Variants in CCDC138 observed in about 807,000 individuals in gnomAD.
The protein encoded by CCDC138 is coiled-coil domain containing 138, also known as coiled-coil domain-containing protein 138.
In CCDC138, 66 loss-of-function variants were observed where a neutral mutation model predicts 82.3. That is an observed-to-expected ratio of 0.80 (90% CI 0.66 to 0.98). The LOEUF is 0.98. CCDC138 is among the 50% of genes least tolerant of loss of function. The pLI is 0.00. For synonymous variants in CCDC138, 297 were observed against 265.4 expected, an observed-to-expected ratio of 1.12 and a Z score of -1.16; for missense variants, 816 against 758.9, an observed-to-expected ratio of 1.08 and a Z score of -0.88.
intron 10 of CCDC138, among the ~76,000 whole-genome samples, chr2:108,838,126 G>A (rs1196574932): frequency 6.6e-6 from 1 of 151,964 alleles, no homozygotes; most frequent in Non-Finnish European, 1.5e-5. Context: ...GTAAGATTAC[G>A]GCAGAGAATA....
At chr2:108,839,768 T>A (rs1689152148) in intron 11 of CCDC138, among the ~76,000 whole-genome samples, 2 of 152,120 alleles carry the variant, frequency 1.3e-5, no homozygotes. Flanking sequence ...TTCTTGAAGA[T>A]TCCTCAGGAT....
At chr2:108,866,449 C>G (rs1694426399) in intron 13 of CCDC138, among the ~76,000 whole-genome samples, 1 of 152,210 alleles carries the variant, frequency 6.6e-6, no homozygotes, top group Admixed American at 6.5e-5. Flanking sequence ...TCATTTTTCT[C>G]TCCTCATCAA....
chr2:108,827,815 A>T (rs58158916), intron 10 of CCDC138, among the ~76,000 whole-genome samples: 11 of 12,646 alleles, frequency 8.7e-4, no homozygotes, highest in East Asian at 0.029. Context: ...GAATATGTCT[A>T]AAAAAAAAAA....
intron 7 of CCDC138, among the ~76,000 whole-genome samples, chr2:108,808,195 A>G (rs1683184817): frequency 6.6e-6 from 1 of 152,146 alleles, no homozygotes. Flanking sequence ...TTGTGTATGT[A>G]TAAAGAAAAT....
chr2:108,853,907 T>TAA (rs1558737277), intron 12 of CCDC138, among the ~76,000 whole-genome samples: 2 of 121,100 alleles, frequency 1.7e-5, no homozygotes, highest in African/African-American at 6.8e-5. Flanking sequence ...ATATTATATA[T>TAA]TATATAGTAT....
chr2:108,824,695 TTATC>T (rs1455116569), intron 10 of CCDC138, among the ~76,000 whole-genome samples: 1 of 152,248 alleles, frequency 6.6e-6, no homozygotes, highest in East Asian at 1.9e-4. Context: ...TTTATTATCT[TTATC>T]AAGTAGTATG....
intron 10 of CCDC138, among the ~76,000 whole-genome samples, chr2:108,829,145 ACTT>A (rs1477073261): frequency 2.6e-5 from 4 of 152,284 alleles, no homozygotes; most frequent in South Asian, 4.2e-4. Context: ...AATAAACTGA[ACTT>A]CATCAAAATT....
chr2:108,812,985 CA>C, intron 9 of CCDC138, 58 bp downstream of exon 9: 12 of 1,433,854 alleles, frequency 8.4e-6, no homozygotes, highest in Non-Finnish European at 1.2e-5. Context: ...TACGGTGGCT[CA>C]CACCTGTAAT....
chr2:108,813,700 ATGT>A (rs933593444), intron 9 of CCDC138, among the ~76,000 whole-genome samples: 1 of 152,212 alleles, frequency 6.6e-6, no homozygotes, highest in Non-Finnish European at 1.5e-5. Context: ...TAAATATTTC[ATGT>A]TGTCTATAAC....
chr2:108,865,504 A>G (rs1694281597), intron 13 of CCDC138, among the ~76,000 whole-genome samples: 1 of 152,174 alleles, frequency 6.6e-6, no homozygotes, highest in South Asian at 2.1e-4. Flanking sequence ...TAGACAAAAT[A>G]ATTACCTCTC....
chr2:108,791,512 T>C (rs773252422), intron 3 of CCDC138, 163 bp from the exon 4 acceptor site: 9 of 753,736 alleles, frequency 1.2e-5, no homozygotes, highest in Non-Finnish European at 2.1e-5. Flanking sequence ...TCAGTGACTG[T>C]TAGTTTTTAC....
chr2:108,854,373 G>A lies in CCDC138; in HGVS notation c.1517-2421G>A, dbSNP rs957294070. On this transcript the variant is annotated intron_variant, in intron 12 of 14. Transcript: ENST00000295124. ...GAATCTTAGCTTCACTACTAGCTGT[G>A]TGGTATTTGGAAGGTCTTTTTTGTT... is the stretch of plus-strand genomic sequence containing the variant. Among the ~76,000 whole-genome samples the A allele has an allele frequency of 4.0e-5, 6 of 151,080 alleles. No homozygotes were observed. In the Admixed American group the frequency reaches 4.0e-4, roughly 10 times the overall value.
At chr2:108,858,746 T>C (rs4476312) in intron 13 of CCDC138, among the ~76,000 whole-genome samples, 108,220 of 151,664 alleles carry the variant, frequency 0.71, 41,684 homozygotes, top group East Asian at 0.9. Flanking sequence ...TGCAGGTGTG[T>C]TACATGGATT....
chr2:108,814,874 G>A (rs1418977856), intron 9 of CCDC138, among the ~76,000 whole-genome samples: 2 of 151,842 alleles, frequency 1.3e-5, no homozygotes, highest in African/African-American at 4.8e-5. Context: ...GACCTCTGGT[G>A]ATCCACCTGC....
In CCDC138 at chr2:108,824,764, G is replaced by GT. The variant is rs759967779; in HGVS notation, c.1206+8669dup. On this transcript the variant is annotated intron_variant, in intron 10 of 14. Transcript: ENST00000295124. ...CTTTTATTCTACTGGCAGCACAGTA[G>GT]TTTTTTTTTTACACCAGCATTGTCA... Among the ~76,000 whole-genome samples, 152 of 149,010 alleles carry GT rather than the reference G, an allele frequency of 1.0e-3. 1 individual carries two copies. Among genetic ancestry groups the GT allele is most frequent in the Non-Finnish European group, 1.0e-3 (68 of 67,018 alleles).
At chr2:108,858,672 A>G (rs1452910872) in intron 13 of CCDC138, among the ~76,000 whole-genome samples, 1 of 151,306 alleles carries the variant, frequency 6.6e-6, no homozygotes, top group Non-Finnish European at 1.5e-5. Flanking sequence ...ATTTTACCAT[A>G]TATTTAATTT....
chr2:108,807,886 G>A (rs1324366250), intron 7 of CCDC138, among the ~76,000 whole-genome samples: 2 of 152,200 alleles, frequency 1.3e-5, no homozygotes, highest in African/African-American at 4.8e-5. Context: ...TCGGATTACA[G>A]GCCTGAGCCA....
In CCDC138 at chr2:108,825,167, G is replaced by C. The variant is rs146575004; in HGVS notation, c.1206+9062G>C. 7.2e-5 allele frequency among the ~76,000 whole-genome samples: 11 copies of C among 152,254 alleles called. No homozygotes were observed. The East Asian group carries it at 1.5e-3, about 21-fold the overall frequency. On this transcript the variant is annotated intron_variant, in intron 10 of 14. Transcript: ENST00000295124. ...AAGTTAATAGCGTAAATAATAGGGA[G>C]GTGGGAGGATGTAAAGTGTCCAAAA...
chr2:108,798,276 T>A, intron 5 of CCDC138, 152 bp from the exon 6 acceptor site: 1 of 663,954 alleles, frequency 1.5e-6, no homozygotes, highest in Admixed American at 2.9e-5. Flanking sequence ...GTTTACTTGC[T>A]ATACTAGTCT....
Sources: gnomAD v4.1 joint callset for allele counts (sites outside exome capture counted in the v4.1 genomes callset) on GRCh38, gnomAD v4.1.1 for gene constraint, MANE v1.5 for transcripts, NCBI Gene and HGNC (gene_info 2026-07-23, HGNC 2026-07-21) for gene names.